The following TNFAIP8 variants were observed in gnomAD, a reference collection of about 807,000 sequenced individuals.
TNFAIP8 encodes the protein tumor necrosis factor alpha-induced protein 8.
Under a neutral mutation model 13.3 loss-of-function variants are expected in TNFAIP8, and 7 were observed. The observed-to-expected ratio is 0.52, with a 90% CI of 0.30 to 0.99. The LOEUF (loss-of-function observed/expected upper bound fraction) is 0.99, where lower values mean the gene tolerates loss of function less well. Ranked by LOEUF, TNFAIP8 falls within the 50% of genes least tolerant of loss-of-function variation. The probability of loss-of-function intolerance (pLI) is 0.07; values close to 1 mark genes in which losing one functional copy is unlikely to be tolerated. For missense variants in TNFAIP8, 258 were observed against 236.9 expected, an observed-to-expected ratio of 1.09 and a Z score of -0.58; for synonymous variants, 94 against 87.6, an observed-to-expected ratio of 1.07 and a Z score of -0.41.
chr5:119,279,760 T>G (rs562847305), intron 1 of TNFAIP8, among the ~76,000 whole-genome samples: 4 of 152,328 alleles, frequency 2.6e-5, no homozygotes, highest in Non-Finnish European at 5.9e-5. Flanking sequence ...GGAAGTCATT[T>G]TGAATTGAGA....
intron 1 of TNFAIP8, among the ~76,000 whole-genome samples, chr5:119,346,978 T>A (rs1750922026): frequency 6.6e-6 from 1 of 152,222 alleles, no homozygotes; most frequent in South Asian, 2.1e-4. Context: ...AGTATTATTT[T>A]AAAAATCCTC....
chr5:119,382,485 C>G (rs189971722), intron 1 of TNFAIP8, among the ~76,000 whole-genome samples: 41 of 152,260 alleles, frequency 2.7e-4, no homozygotes, highest in Admixed American at 5.9e-4. Context: ...TCGCCACACT[C>G]CTTTCACAAG....
Position 119,373,974 on chromosome 5 carries a change from C to T in TNFAIP8, c.31+17853C>T, listed in dbSNP as rs367651459. Among the ~76,000 whole-genome samples the T allele has an allele frequency of 5.3e-5, 8 of 152,024 alleles. No individual in the cohort carries two copies. In the East Asian group the frequency reaches 1.4e-3, roughly 26 times the overall value. ...ACTAATAGTATTGGTGTTTTTTTTC[C>T]TCATTGAATTATTTCTTATGGTTTT... On this transcript the variant is annotated intron_variant, in intron 1 of 1. Coordinates refer to ENST00000504771, the MANE Select transcript of TNFAIP8 (RefSeq NM_014350.4).
chr5:119,343,596 C>T (rs1452777145), intron 1 of TNFAIP8, among the ~76,000 whole-genome samples: 1 of 151,954 alleles, frequency 6.6e-6, no homozygotes, highest in Non-Finnish European at 1.5e-5. Flanking sequence ...TGAAAGTGTC[C>T]AGCATGCATT....
chr5:119,320,667 C>T (rs1750027366), intron 1 of TNFAIP8, among the ~76,000 whole-genome samples: 1 of 152,144 alleles, frequency 6.6e-6, no homozygotes, highest in Admixed American at 6.5e-5. Flanking sequence ...TCCCGGCCCC[C>T]TTCTTTTTCT....
intron 1 of TNFAIP8, among the ~76,000 whole-genome samples, chr5:119,344,960 A>G (rs1024993897): frequency 6.6e-6 from 1 of 152,218 alleles, no homozygotes; most frequent in Non-Finnish European, 1.5e-5. Flanking sequence ...GCAGCTGGAA[A>G]CATGTAGGCT....
chr5:119,283,606 G>T (rs186568131), intron 1 of TNFAIP8, among the ~76,000 whole-genome samples: 1 of 152,178 alleles, frequency 6.6e-6, no homozygotes, highest in Non-Finnish European at 1.5e-5. Flanking sequence ...TAAGAGAGTC[G>T]GTGATATGGA....
chr5:119,361,586 G>T (rs1384333871), intron 1 of TNFAIP8, among the ~76,000 whole-genome samples: 1 of 152,208 alleles, frequency 6.6e-6, no homozygotes, highest in East Asian at 1.9e-4. Context: ...GAGACTATAA[G>T]CAGAATTCCC....
At chr5:119,276,221 G>A (rs944765048) in intron 1 of TNFAIP8, among the ~76,000 whole-genome samples, 4 of 151,628 alleles carry the variant, frequency 2.6e-5, no homozygotes, top group Admixed American at 1.3e-4. Flanking sequence ...GGGTTCAAGC[G>A]AAGCTCCTAC....
rs1752947403 is a variant in TNFAIP8, at chr5:119,392,842, A to C, written c.58A>C (p.Asn20His). Residue 20 changes from asparagine (N) to histidine (H), a missense_variant, in exon 2 of 2, where the codon AAC (asparagine) becomes CAC (histidine). Coordinates refer to ENST00000504771, the MANE Select transcript of TNFAIP8 (RefSeq NM_014350.4). Reference protein sequence around the residue: ...EVATDVFNSKNLAVQAQKKIL... With the variant: ...EVATDVFNSKHLAVQAQKKIL... ...GGCCACAGATGTCTTTAATTCCAAA[A>C]ACCTGGCCGTTCAGGCACAAAAGAA... The C allele has an allele frequency of 6.4e-7, 1 of 1,552,410 alleles. No homozygotes were observed.
chr5:119,332,005 A>T (rs552073884), intron 1 of TNFAIP8, among the ~76,000 whole-genome samples: 4 of 152,334 alleles, frequency 2.6e-5, no homozygotes, highest in Non-Finnish European at 5.9e-5. Flanking sequence ...TTTTCATGGC[A>T]TGAAGGGCCA....
chr5:119,321,782 G>C (rs184184220), intron 1 of TNFAIP8, among the ~76,000 whole-genome samples: 41 of 152,280 alleles, frequency 2.7e-4, no homozygotes, highest in Non-Finnish European at 1.0e-4. Context: ...TGTGCAATGA[G>C]AATGGTCTTA....
At chr5:119,320,724 T>G in intron 1 of TNFAIP8, among the ~76,000 whole-genome samples, 1 of 151,356 alleles carries the variant, frequency 6.6e-6, no homozygotes, top group East Asian at 1.9e-4. Flanking sequence ...CACTTCCCTT[T>G]GAAGCACTGT....
chr5:119,343,872 A>G (rs1041035412), intron 1 of TNFAIP8, among the ~76,000 whole-genome samples: 2 of 152,230 alleles, frequency 1.3e-5, no homozygotes, highest in African/African-American at 4.8e-5. Flanking sequence ...GTGACCACAC[A>G]GGGTGTCATG....
intron 1 of TNFAIP8, among the ~76,000 whole-genome samples, chr5:119,382,030 G>A (rs1330942702): frequency 1.3e-5 from 2 of 152,136 alleles, no homozygotes; most frequent in Admixed American, 1.3e-4. Context: ...ATTCATAGGA[G>A]ACACATACAT....
chr5:119,277,656 A>G (rs1748498675), intron 1 of TNFAIP8, among the ~76,000 whole-genome samples: 1 of 152,234 alleles, frequency 6.6e-6, no homozygotes, highest in African/African-American at 2.4e-5. Flanking sequence ...TCTTCAGCAT[A>G]TGAACTTTTT....
intron 1 of TNFAIP8, among the ~76,000 whole-genome samples, chr5:119,320,761 TC>T (rs1490167436): frequency 7.1e-6 from 1 of 140,312 alleles, no homozygotes; most frequent in African/African-American, 2.6e-5. Context: ...GGGCATCACA[TC>T]CCCTTTTTTT....
At chr5:119,296,260 G>A (rs1370697004) in intron 1 of TNFAIP8, among the ~76,000 whole-genome samples, 1 of 151,498 alleles carries the variant, frequency 6.6e-6, no homozygotes, top group Non-Finnish European at 1.5e-5. Flanking sequence ...ATTGGCTGTG[G>A]GTTTTTCATA....
chr5:119,351,266 A>C (rs1413755094), upstream of TNFAIP8, among the ~76,000 whole-genome samples: 1 of 152,042 alleles, frequency 6.6e-6, no homozygotes, highest in Non-Finnish European at 1.5e-5. Context: ...GCCACAAACA[A>C]TCCTTGCACC....
Sources: gnomAD v4.1 joint callset for allele counts (sites outside exome capture counted in the v4.1 genomes callset) on GRCh38, gnomAD v4.1.1 for gene constraint, MANE v1.5 for transcripts, NCBI Gene and HGNC (gene_info 2026-07-23, HGNC 2026-07-21) for gene names.